The following WDR72 variants were observed in gnomAD, a reference collection of about 807,000 sequenced individuals.
The protein encoded by WDR72 is WD repeat domain 72.
Under a neutral mutation model 124.2 loss-of-function variants are expected in WDR72, and 120 were observed. The ratio of observed to expected loss-of-function variants is 0.97; its 90% CI spans 0.83 to 1.12. The LOEUF (loss-of-function observed/expected upper bound fraction) is 1.12, where lower values mean the gene tolerates loss of function less well. Ranked by LOEUF, WDR72 falls within the 50% of genes most tolerant of loss-of-function variation. The probability of loss-of-function intolerance (pLI) is 0.00; values close to 1 mark genes in which losing one functional copy is unlikely to be tolerated. For missense variants in WDR72, 1,387 were observed against 1,278.8 expected (o/e 1.08, Z -1.29); for synonymous variants, 452 against 441.7 (o/e 1.02, Z -0.29).
At chr15:53,705,841 C>T in intron 10 of WDR72, 86 bp downstream of exon 10, 1 of 1,536,094 alleles carries the variant, frequency 6.5e-7, no homozygotes, top group Non-Finnish European at 9.0e-7. Flanking sequence ...TGTTTGTGGT[C>T]CCATGCTGCT....
intron 14 of WDR72, among the ~76,000 whole-genome samples, chr15:53,663,630 T>C (rs955821758): frequency 6.6e-6 from 1 of 152,246 alleles, no homozygotes; most frequent in African/African-American, 2.4e-5. Context: ...CTGCAGACCC[T>C]AGACATCTGA....
chr15:53,693,457 C>A (rs1041009355), intron 13 of WDR72, among the ~76,000 whole-genome samples: 5 of 152,148 alleles, frequency 3.3e-5, no homozygotes. Flanking sequence ...ATCTATACGA[C>A]AAGATTAAAC....
At chr15:53,706,367 T>TATAC (rs1249938207) in intron 9 of WDR72, among the ~76,000 whole-genome samples, 28 of 50,640 alleles carry the variant, frequency 5.5e-4, no homozygotes, top group African/African-American at 2.1e-3. Context: ...TATATATATA[T>TATAC]ATATATATAT....
At chr15:53,568,461 T>C (rs1894381565) in intron 18 of WDR72, among the ~76,000 whole-genome samples, 1 of 151,960 alleles carries the variant, frequency 6.6e-6, no homozygotes, top group Non-Finnish European at 1.5e-5. Context: ...GGCAGCCTGT[T>C]CATTCAACAG....
chr15:53,639,239 T>C (rs1019876025), intron 14 of WDR72, among the ~76,000 whole-genome samples: 2 of 152,062 alleles, frequency 1.3e-5, no homozygotes, highest in Admixed American at 6.6e-5. Flanking sequence ...GTATCTCCTA[T>C]GTGCTGGGTG....
intron 16 of WDR72, among the ~76,000 whole-genome samples, chr15:53,610,837 T>C (rs1285917938): frequency 6.6e-6 from 1 of 152,104 alleles, no homozygotes; most frequent in East Asian, 1.9e-4. Context: ...AAGAGAACAT[T>C]TTCTTTTGAT....
chr15:53,556,928 C>A (rs1893954910), intron 18 of WDR72, among the ~76,000 whole-genome samples: 1 of 152,002 alleles, frequency 6.6e-6, no homozygotes, highest in Non-Finnish European at 1.5e-5. Flanking sequence ...TACACATACA[C>A]ATACAATAAC....
chr15:53,695,555 A>T (rs761544183), intron 13 of WDR72, among the ~76,000 whole-genome samples: 14 of 152,198 alleles, frequency 9.2e-5, no homozygotes, highest in Admixed American at 6.5e-4. Context: ...ATCATGGGAC[A>T]TCCGGCAAAT....
chr15:53,721,770 A>G (rs2017882580), intron 3 of WDR72, among the ~76,000 whole-genome samples: 1 of 152,208 alleles, frequency 6.6e-6, no homozygotes, highest in African/African-American at 2.4e-5. Flanking sequence ...CTAGAAACCC[A>G]ATCCCTTATT....
chr15:53,644,442 T>A (rs993632236), intron 14 of WDR72, among the ~76,000 whole-genome samples: 2 of 152,076 alleles, frequency 1.3e-5, no homozygotes, highest in African/African-American at 4.8e-5. Flanking sequence ...ATTAACTAAA[T>A]AAAAAATATT....
rs571086974 is a variant in WDR72 at position 53,572,324 on chromosome 15, G to A, written c.3148+24755C>T. On this transcript the variant is annotated intron_variant, in intron 18 of 19. Coordinates refer to ENST00000360509, the MANE Select transcript of WDR72 (RefSeq NM_182758.4). ...ACCAGTAACATGCAGCTTTCCCCCT[G>A]TTTTCTTCTAGCAGTTTTAGAGTTT... 1.0e-3 allele frequency among the ~76,000 whole-genome samples: 158 copies of A among 150,614 alleles called. 1 individual carries two copies. The highest frequency in any genetic ancestry group is 3.7e-3 in the African/African-American group (149 of 40,244).
chr15:53,587,635 A>AT (rs1322753993), intron 18 of WDR72, among the ~76,000 whole-genome samples: 1 of 152,054 alleles, frequency 6.6e-6, no homozygotes, highest in Non-Finnish European at 1.5e-5. Flanking sequence ...ATTGGCTAGG[A>AT]TTGAGAGCAC....
intron 3 of WDR72, 75 bp from the exon 4 acceptor site, chr15:53,716,760 T>G: frequency 1.0e-6 from 1 of 1,002,898 alleles, no homozygotes; most frequent in East Asian, 2.4e-5. Flanking sequence ...TGCCACCAAG[T>G]TTTTCTTTAG....
At chr15:53,647,876 GTC>G (rs2015097279) in intron 14 of WDR72, among the ~76,000 whole-genome samples, 1 of 152,082 alleles carries the variant, frequency 6.6e-6, no homozygotes, top group South Asian at 2.1e-4. Context: ...CTGATTCAAT[GTC>G]ATATAGCCAC....
intron 18 of WDR72, among the ~76,000 whole-genome samples, chr15:53,581,347 A>T (rs2011916529): frequency 6.6e-6 from 1 of 152,144 alleles, no homozygotes; most frequent in African/African-American, 2.4e-5. Flanking sequence ...CATCTACCTT[A>T]ATTTCAAATC....
intron 9 of WDR72, among the ~76,000 whole-genome samples, chr15:53,708,382 C>A (rs1189536716): frequency 3.3e-5 from 5 of 152,138 alleles, no homozygotes; most frequent in African/African-American, 1.2e-4. Flanking sequence ...AATAAAAGCA[C>A]CCGCTATATG....
chr15:53,743,247 TAAA>T (rs1265888226), intron 1 of WDR72, among the ~76,000 whole-genome samples: 5 of 152,160 alleles, frequency 3.3e-5, no homozygotes, highest in Admixed American at 1.3e-4. Context: ...ATGAAAGTGT[TAAA>T]AAGCTGATTT....
At chr15:53,632,865 C>G (rs540981860) in intron 14 of WDR72, among the ~76,000 whole-genome samples, 11 of 152,142 alleles carry the variant, frequency 7.2e-5, no homozygotes, top group Non-Finnish European at 1.2e-4. Flanking sequence ...GAGTATTTAC[C>G]CAATGTTTGT....
chr15:53,653,181 C>G (rs571008029), intron 14 of WDR72, among the ~76,000 whole-genome samples: 33 of 152,198 alleles, frequency 2.2e-4, no homozygotes, highest in South Asian at 1.0e-3. Flanking sequence ...ATCTATTCTT[C>G]ATGTTTTAGA....
Sources: allele counts gnomAD v4.1 joint callset (sites outside exome capture counted in the v4.1 genomes callset), GRCh38; gene constraint gnomAD v4.1.1; transcripts MANE v1.5; gene names NCBI Gene and HGNC (gene_info 2026-07-23, HGNC 2026-07-21).